PLPP3: variants seen among roughly 807,000 people sequenced by gnomAD.
The protein encoded by PLPP3 is PAP2 beta.
Under a neutral mutation model 29.6 loss-of-function variants are expected in PLPP3, and 6 were observed. The observed-to-expected ratio is 0.20, with a 90% CI of 0.11 to 0.40. The LOEUF (loss-of-function observed/expected upper bound fraction) is 0.40. Ranked by LOEUF, PLPP3 falls within the 10% of genes least tolerant of loss-of-function variation. The probability of loss-of-function intolerance (pLI) is 1.00; values close to 1 mark genes in which losing one functional copy is unlikely to be tolerated. For missense variants in PLPP3, 308 were observed against 407.7 expected, an observed-to-expected ratio of 0.76 and a Z score of 2.11; for synonymous variants, 152 against 159.7, an observed-to-expected ratio of 0.95 and a Z score of 0.36.
chr1:56,555,454 A>AAAAAAAC (rs1557512836), intron 1 of PLPP3, among the ~76,000 whole-genome samples: 4 of 149,422 alleles, frequency 2.7e-5, no homozygotes, highest in East Asian at 1.9e-4. Flanking sequence ...AAAAAAAAAA[A>AAAAAAAC]AAAAAACAAA....
chr1:56,514,295 G>A (rs918778763), intron 4 of PLPP3, among the ~76,000 whole-genome samples: 16 of 151,960 alleles, frequency 1.1e-4, no homozygotes, highest in African/African-American at 3.1e-4. Flanking sequence ...GTATTTGCTG[G>A]GTTTAAGGGG....
At chr1:56,514,319 A>G (rs1044102297) in intron 4 of PLPP3, among the ~76,000 whole-genome samples, 12 of 151,364 alleles carry the variant, frequency 7.9e-5, no homozygotes, top group African/African-American at 2.7e-4. Flanking sequence ...GGAGTGGGGG[A>G]TATATATTCC....
chr1:56,551,770 A>G (rs941272033), intron 1 of PLPP3, among the ~76,000 whole-genome samples: 15 of 152,258 alleles, frequency 9.9e-5, no homozygotes, highest in Admixed American at 5.9e-4. Context: ...CTTTCAGTGC[A>G]CTGACTATAC....
intron 5 of PLPP3, among the ~76,000 whole-genome samples, chr1:56,509,097 C>G (rs1645723146): frequency 6.6e-6 from 1 of 152,142 alleles, no homozygotes; most frequent in Admixed American, 6.5e-5. Context: ...ACCATGAGGT[C>G]CCACTGAGCA....
Position 56,503,239 on chromosome 1 carries a change from A to G in PLPP3, c.811-6563T>C, listed in dbSNP as rs560889286. On this transcript the variant is annotated intron_variant, in intron 5 of 5. Coordinates refer to ENST00000371250, the MANE Select transcript of PLPP3 (RefSeq NM_003713.5). ...GAGGGAAAATGATGAGGTGGAAAAG[A>G]GTGTGACACTGGAAATCAGACAGCA... is the stretch of plus-strand genomic sequence containing the variant. 6.6e-5 allele frequency among the ~76,000 whole-genome samples: 10 copies of G among 152,310 alleles called. No homozygotes were observed. In the East Asian group the frequency reaches 1.9e-3, roughly 29 times the overall value.
At chr1:56,508,241 A>G (rs1477064879) in intron 5 of PLPP3, among the ~76,000 whole-genome samples, 1 of 152,168 alleles carries the variant, frequency 6.6e-6, no homozygotes, top group Non-Finnish European at 1.5e-5. Flanking sequence ...GAAATGTTTG[A>G]CATGCCGGGA....
intron 1 of PLPP3, among the ~76,000 whole-genome samples, chr1:56,565,142 T>C (rs1646152675): frequency 6.6e-6 from 1 of 152,230 alleles, no homozygotes. Context: ...GCTGTGTGGC[T>C]GAGACGCATT....
intron 4 of PLPP3, among the ~76,000 whole-genome samples, chr1:56,516,212 C>G (rs1436491818): frequency 6.6e-6 from 1 of 152,162 alleles, no homozygotes; most frequent in Non-Finnish European, 1.5e-5. Flanking sequence ...TCCAATTTCA[C>G]TGCTGTCAAA....
Position 56,536,962 on chromosome 1 carries a change from A to C in PLPP3, c.290T>G (p.Ile97Ser). The change falls in exon 2 of 6, where the codon ATC becomes AGC. Residue 97 changes from isoleucine (I) to serine (S), a missense_variant. Coordinates refer to ENST00000371250, the MANE Select transcript of PLPP3 (RefSeq NM_003713.5). ...CAGAGTCTGGACACTTACCGCGAGG[A>C]TGGCAATGACGATCCCCACGGCACA... ...VLCAVGIVIA[I>S]LAIITGEFYR... is the part of the protein sequence containing the mutation. The C allele has an allele frequency of 6.2e-7, 1 of 1,613,612 alleles. No homozygotes were observed.
At chr1:56,547,488 A>G (rs1044641152) in intron 1 of PLPP3, among the ~76,000 whole-genome samples, 2 of 152,224 alleles carry the variant, frequency 1.3e-5, no homozygotes, top group Non-Finnish European at 2.9e-5. Context: ...AATAAAGAGT[A>G]GACAATTCCA....
intron 1 of PLPP3, among the ~76,000 whole-genome samples, 186 bp from the exon 2 acceptor site, chr1:56,537,298 T>G (rs1055174222): frequency 2.0e-5 from 3 of 152,064 alleles, no homozygotes; most frequent in African/African-American, 7.2e-5. Context: ...ACCCCATTCC[T>G]CCTTTCCACA....
In PLPP3 at chr1:56,524,912, G is replaced by A. The variant is rs79511038; in HGVS notation, c.298-358C>T. ...ATGAAGAATCAACGACAAGGTAAAG[G>A]GTAGCTATGATGTCACAGGGTCTGA... On this transcript the variant is annotated intron_variant, in intron 2 of 5. Transcript: ENST00000371250. The surrounding 1 kb of genome is among the most constrained non-coding windows in gnomAD (Gnocchi z 4.3). 7.9e-3 allele frequency among the ~76,000 whole-genome samples: 1,207 copies of A among 151,976 alleles called. 20 individuals are homozygous for A. The highest frequency in any genetic ancestry group is 0.028 in the African/African-American group (1,143 of 41,444).
intron 1 of PLPP3, among the ~76,000 whole-genome samples, chr1:56,540,689 C>T (rs1246360467): frequency 6.6e-6 from 1 of 151,912 alleles, no homozygotes; most frequent in African/African-American, 2.4e-5. Context: ...TTTTTGTCTC[C>T]CCTATAAACT....
At chr1:56,563,253 A>T (rs150187179) in intron 1 of PLPP3, among the ~76,000 whole-genome samples, 2 of 152,296 alleles carry the variant, frequency 1.3e-5, no homozygotes, top group African/African-American at 2.4e-5. Context: ...GGGAGAAAAG[A>T]CCTACTTTAT....
rs186716628 is a variant in PLPP3, at chr1:56,533,045, T to C, written c.297+3910A>G. ...CCTGGCCCCGTCTTCCAGCAACCTATTATGTAGCTTTTTTTTTTTTTCTTT... is the reference window on the plus strand; with the variant it reads ...CCTGGCCCCGTCTTCCAGCAACCTACTATGTAGCTTTTTTTTTTTTTCTTT... On this transcript the variant is annotated intron_variant, in intron 2 of 5. Transcript: ENST00000371250. Among the ~76,000 whole-genome samples the C allele has an allele frequency of 2.3e-4, 34 of 150,914 alleles. No homozygotes were observed. In the East Asian group the frequency reaches 6.3e-3, roughly 28 times the overall value.
At chr1:56,500,211 T>A (rs367599233) in intron 5 of PLPP3, among the ~76,000 whole-genome samples, 1 of 152,190 alleles carries the variant, frequency 6.6e-6, no homozygotes, top group Non-Finnish European at 1.5e-5. Flanking sequence ...AAGATGAATA[T>A]ATATAAGACA....
intron 1 of PLPP3, among the ~76,000 whole-genome samples, chr1:56,578,462 C>A (rs926861340): frequency 1.3e-5 from 2 of 152,106 alleles, no homozygotes; most frequent in Middle Eastern, 3.2e-3. Context: ...CAGGCAGGAG[C>A]CCGACTCTCG....
intron 4 of PLPP3, among the ~76,000 whole-genome samples, chr1:56,521,920 G>C (rs1344695043): frequency 6.6e-6 from 1 of 152,154 alleles, no homozygotes; most frequent in Non-Finnish European, 1.5e-5. Flanking sequence ...ACCGGAGGGA[G>C]GGGACATCTC....
intron 1 of PLPP3, chr1:56,538,440 TA>T: frequency 4.7e-6 from 2 of 423,196 alleles, no homozygotes; most frequent in South Asian, 3.9e-5. Flanking sequence ...CATCTTCCAG[TA>T]ATTCACCAAA....
Sources: allele counts gnomAD v4.1 joint callset (sites outside exome capture counted in the v4.1 genomes callset), GRCh38; gene constraint gnomAD v4.1.1; non-coding constraint Gnocchi (gnomAD v3.1); transcripts MANE v1.5; gene names NCBI Gene and HGNC (gene_info 2026-07-23, HGNC 2026-07-21).